DUSP22: variants seen among roughly 807,000 people sequenced by gnomAD.
DUSP22 encodes the protein dual specificity phosphatase 22.
Under a neutral mutation model 24.5 loss-of-function variants are expected in DUSP22, and 24 were observed. The ratio of observed to expected loss-of-function variants is 0.98; its 90% CI spans 0.71 to 1.38. The LOEUF is 1.38. Ranked by LOEUF, DUSP22 falls within the 40% of genes most tolerant of loss-of-function variation. The probability of loss-of-function intolerance (pLI) is 0.00; values close to 1 mark genes in which losing one functional copy is unlikely to be tolerated. For missense variants in DUSP22, 330 were observed against 269.2 expected, an observed-to-expected ratio of 1.23 and a Z score of -1.58; for synonymous variants, 160 against 106.4, an observed-to-expected ratio of 1.50 and a Z score of -3.10.
rs1760158867 is a variant in DUSP22, at chr6:350,686, T to C, written c.*1735T>C. On this transcript the variant is annotated 3_prime_UTR_variant, in exon 7 of 7. Transcript: ENST00000419235. The stretch of plus-strand genomic sequence containing the variant: ...ATGTTTTTCCTAAGCCAAAAATAAA[T>C]ACGTTAACAGAAAAATGATTTAGGA... The C allele has an allele frequency of 1.3e-6, 2 of 1,569,494 alleles. No individual in the cohort carries two copies. Among genetic ancestry groups the C allele is most frequent in the East Asian group, 2.3e-5 (1 of 43,726 alleles).
chr6:327,982 A>T (rs1758963597), intron 3 of DUSP22, among the ~76,000 whole-genome samples: 1 of 152,308 alleles, frequency 6.6e-6, no homozygotes, highest in African/African-American at 2.4e-5. Flanking sequence ...TCTACTTTGC[A>T]GACAGAGAGG....
chr6:337,516 T>G (rs1004152782), intron 4 of DUSP22, among the ~76,000 whole-genome samples: 6 of 152,308 alleles, frequency 3.9e-5, no homozygotes, highest in Non-Finnish European at 7.3e-5. Flanking sequence ...GACAGAGATA[T>G]GCCAGCTTCT....
At position 348,755 on chromosome 6, in the gene DUSP22, T is replaced by G; in HGVS notation, c.436-14T>G. On this transcript the variant is annotated splice_polypyrimidine_tract_variant and intron_variant, in intron 6 of 6. Coordinates refer to ENST00000419235, the MANE Select transcript of DUSP22 (RefSeq NM_001286555.3). Reference sequence around the variant, plus strand: ...ATGTGTGTGACGTTTCGGGTTTGTTTCCATCCTCTCCAGTATCGGCAGTGG... The same window carrying G: ...ATGTGTGTGACGTTTCGGGTTTGTTGCCATCCTCTCCAGTATCGGCAGTGG... The G allele has an allele frequency of 6.2e-7, 1 of 1,614,212 alleles. No individual in the cohort carries two copies.
chr6:293,184 G>GA (rs1469997863), intron 1 of DUSP22, among the ~76,000 whole-genome samples: 1 of 152,292 alleles, frequency 6.6e-6, no homozygotes, highest in African/African-American at 2.4e-5. Flanking sequence ...AGGCCTTCTG[G>GA]AAAATCTGTG....
At chr6:297,094 C>T (rs1232660101) in intron 1 of DUSP22, among the ~76,000 whole-genome samples, 1 of 152,302 alleles carries the variant, frequency 6.6e-6, no homozygotes, top group African/African-American at 2.4e-5. Context: ...TGATCTGGGG[C>T]ACCTCCACCA....
At chr6:320,925 G>A (rs1758557293) in intron 3 of DUSP22, among the ~76,000 whole-genome samples, 1 of 152,296 alleles carries the variant, frequency 6.6e-6, no homozygotes, top group Admixed American at 6.5e-5. Flanking sequence ...CAGGGATTGG[G>A]GATAAAATAC....
chr6:310,313 C>T (rs989304370), intron 2 of DUSP22, among the ~76,000 whole-genome samples: 35 of 152,402 alleles, frequency 2.3e-4, no homozygotes, highest in Non-Finnish European at 4.4e-4. Flanking sequence ...AAAGTTCAGC[C>T]AGGCTGGGAT....
At position 349,959 on chromosome 6, in the gene DUSP22, A is replaced by C; in HGVS notation, c.*1008A>C. ...CTCACTTTGCAGGGGCTCCTCCTCA[A>C]CATTTGCATGCACCTGCAAGAATTG... On this transcript the variant is annotated 3_prime_UTR_variant, in exon 7 of 7. Coordinates refer to ENST00000419235, the MANE Select transcript of DUSP22 (RefSeq NM_001286555.3). 1 of 985,800 alleles carries C rather than the reference A, an allele frequency of 1.0e-6. No homozygotes were observed. Among genetic ancestry groups the C allele is most frequent in the Non-Finnish European group, 1.2e-6 (1 of 830,094 alleles). 61.1% of individuals were successfully genotyped at this position (985,800 alleles called of 1,614,324 possible).
chr6:330,134 C>A (rs982836943), intron 3 of DUSP22, among the ~76,000 whole-genome samples: 2 of 152,280 alleles, frequency 1.3e-5, no homozygotes, highest in South Asian at 2.1e-4. Flanking sequence ...GGAGGAGGAC[C>A]CCCCTGGGCT....
At chr6:314,276 T>G (rs1185787236) in intron 3 of DUSP22, among the ~76,000 whole-genome samples, 4 of 152,294 alleles carry the variant, frequency 2.6e-5, no homozygotes, top group African/African-American at 4.8e-5. Context: ...CCATACGTAT[T>G]TATTGAATGG....
intron 4 of DUSP22, among the ~76,000 whole-genome samples, chr6:343,628 T>C (rs1309487128): frequency 6.6e-6 from 1 of 152,286 alleles, no homozygotes; most frequent in Non-Finnish European, 1.5e-5. Flanking sequence ...TTTGTGCTTG[T>C]GGTGACCCTT....
chr6:296,438 C>T (rs1179123390), intron 1 of DUSP22, among the ~76,000 whole-genome samples: 2 of 152,304 alleles, frequency 1.3e-5, no homozygotes, highest in African/African-American at 2.4e-5. Context: ...TCTGGCTCGG[C>T]CACAATGCAG....
rs1024146211 is a variant in DUSP22, at chr6:350,762, T to A, written c.*1811T>A. On this transcript the variant is annotated 3_prime_UTR_variant, in exon 7 of 7. Coordinates refer to ENST00000419235, the MANE Select transcript of DUSP22 (RefSeq NM_001286555.3). Reference sequence around the variant, plus strand: ...CACCTTTACAAACCTCTCAGTGTATTCTTGGAGTTCTTGAAATGTTGTTTT... The same window carrying A: ...CACCTTTACAAACCTCTCAGTGTATACTTGGAGTTCTTGAAATGTTGTTTT... 2.7e-5 allele frequency: 44 copies of A among 1,613,888 alleles called. No homozygotes were observed. Among genetic ancestry groups the A allele is most frequent in the Non-Finnish European group, 3.5e-5 (41 of 1,179,876 alleles).
chr6:344,752 C>T (rs1759775081), intron 4 of DUSP22, among the ~76,000 whole-genome samples: 1 of 152,304 alleles, frequency 6.6e-6, no homozygotes, highest in Non-Finnish European at 1.5e-5. Flanking sequence ...TCCATTTCCC[C>T]ACAGCTCTCC....
chr6:345,332 C>T (rs1409275425), intron 4 of DUSP22, among the ~76,000 whole-genome samples: 1 of 152,158 alleles, frequency 6.6e-6, no homozygotes, highest in African/African-American at 2.4e-5. Flanking sequence ...ACCTCAGCCT[C>T]CCTGGTAGCT....
intron 3 of DUSP22, among the ~76,000 whole-genome samples, chr6:313,520 C>T (rs985235915): frequency 6.6e-6 from 1 of 152,310 alleles, no homozygotes; most frequent in Non-Finnish European, 1.5e-5. Context: ...ACACAACACA[C>T]TACACATTCT....
chr6:331,979 G>T (rs1052855965), intron 3 of DUSP22, among the ~76,000 whole-genome samples: 1 of 152,302 alleles, frequency 6.6e-6, no homozygotes, highest in East Asian at 1.9e-4. Flanking sequence ...TGTTTGCATG[G>T]TGTGGGCTGA....
chr6:294,133 G>T (rs1254461635), intron 1 of DUSP22, among the ~76,000 whole-genome samples: 1 of 152,246 alleles, frequency 6.6e-6, no homozygotes, highest in Non-Finnish European at 1.5e-5. Flanking sequence ...GTTGCCTAAG[G>T]GATCAACGTT....
intron 3 of DUSP22, among the ~76,000 whole-genome samples, chr6:330,951 C>T (rs920068447): frequency 6.6e-6 from 1 of 152,300 alleles, no homozygotes; most frequent in Admixed American, 6.5e-5. Flanking sequence ...CACCTGGTCC[C>T]CTCAACACAG....
Sources: gnomAD v4.1 joint callset for allele counts (sites outside exome capture counted in the v4.1 genomes callset) on GRCh38, gnomAD v4.1.1 for gene constraint, MANE v1.5 for transcripts, NCBI Gene and HGNC (gene_info 2026-07-23, HGNC 2026-07-21) for gene names.